Variants in ANGPT1 observed in about 807,000 individuals in gnomAD.
ANGPT1 encodes angiopoietin 1, also known as angiopoietin-1.
ANGPT1 carries 17 observed loss-of-function variants against 62.2 expected under a neutral mutation model. That is an observed-to-expected ratio of 0.27 (90% CI 0.19 to 0.41). ANGPT1 has a LOEUF of 0.41. Among genes scored for constraint, ANGPT1 ranks in the 10% least tolerant of loss-of-function variants. The pLI is 1.00. For missense variants in ANGPT1, 478 were observed against 594.9 expected (o/e 0.80, Z 2.04); for synonymous variants, 199 against 198.9 (o/e 1.00, Z 0.00).
At chr8:107,332,329 A>G (rs1016795089) in intron 3 of ANGPT1, among the ~76,000 whole-genome samples, 14 of 152,182 alleles carry the variant, frequency 9.2e-5, no homozygotes, top group South Asian at 2.1e-4. Flanking sequence ...CTTTGAGGTA[A>G]GAAACAAAAC....
intron 1 of ANGPT1, among the ~76,000 whole-genome samples, chr8:107,429,822 G>A (rs1356002437): frequency 7.0e-6 from 1 of 143,872 alleles, no homozygotes; most frequent in Non-Finnish European, 1.5e-5. Flanking sequence ...TGAAATGCAG[G>A]CTTCCACAAA....
At chr8:107,345,033 A>G (rs1326415138) in intron 2 of ANGPT1, among the ~76,000 whole-genome samples, 1 of 152,224 alleles carries the variant, frequency 6.6e-6, no homozygotes, top group Admixed American at 6.5e-5. Flanking sequence ...TACAAATAGC[A>G]TAAGCAATTG....
chr8:107,294,645 A>G (rs1315440386), intron 5 of ANGPT1: 1 of 152,226 alleles, frequency 6.6e-6, no homozygotes, highest in East Asian at 1.9e-4. Context: ...GTCACGAACA[A>G]TAACAGGAGA....
At chr8:107,294,260 T>C (rs1814356613) in intron 5 of ANGPT1, 1 of 371,532 alleles carries the variant, frequency 2.7e-6, no homozygotes, top group Non-Finnish European at 4.8e-6. Context: ...ATAAATTACA[T>C]GCACAAATTT....
intron 1 of ANGPT1, among the ~76,000 whole-genome samples, chr8:107,461,287 T>G (rs1218511444): frequency 6.6e-6 from 1 of 152,116 alleles, no homozygotes. Context: ...AGGACCAACA[T>G]AAGTTAAGTT....
chr8:107,299,319 G>T (rs1425061842), intron 5 of ANGPT1, among the ~76,000 whole-genome samples: 4 of 147,138 alleles, frequency 2.7e-5, no homozygotes, highest in Non-Finnish European at 6.0e-5. Flanking sequence ...TATGGGGCAG[G>T]TTAACTTTCT....
chr8:107,266,575 G>T (rs1403319467), intron 7 of ANGPT1, among the ~76,000 whole-genome samples: 2 of 152,180 alleles, frequency 1.3e-5, no homozygotes, highest in African/African-American at 4.8e-5. Context: ...ACTGGGCCTG[G>T]GAGAGTTTAG....
At chr8:107,338,933 A>G (rs1449360389) in intron 2 of ANGPT1, among the ~76,000 whole-genome samples, 1 of 152,206 alleles carries the variant, frequency 6.6e-6, no homozygotes. Flanking sequence ...TATGAGGTAC[A>G]TTGTCTCACT....
intron 4 of ANGPT1, among the ~76,000 whole-genome samples, chr8:107,306,617 A>G (rs1271047292): frequency 6.6e-6 from 1 of 152,134 alleles, no homozygotes; most frequent in East Asian, 1.9e-4. Context: ...TAGAGAGACA[A>G]TAACATTTGA....
chr8:107,470,399 A>T (rs1398964403), intron 1 of ANGPT1, among the ~76,000 whole-genome samples: 1 of 152,114 alleles, frequency 6.6e-6, no homozygotes, highest in Non-Finnish European at 1.5e-5. Flanking sequence ...TATTTGCATT[A>T]CTGCAGGAGG....
intron 8 of ANGPT1, among the ~76,000 whole-genome samples, chr8:107,260,867 T>C (rs1652964612): frequency 1.3e-5 from 2 of 152,188 alleles, no homozygotes; most frequent in Admixed American, 1.3e-4. Flanking sequence ...TGAAAGAACA[T>C]GACGAAGTTC....
chr8:107,411,562 T>C (rs1432342135), intron 1 of ANGPT1, among the ~76,000 whole-genome samples: 14 of 152,194 alleles, frequency 9.2e-5, no homozygotes, highest in Non-Finnish European at 1.5e-5. Context: ...GAAAAAATTA[T>C]AGTTATTCAG....
intron 1 of ANGPT1, among the ~76,000 whole-genome samples, chr8:107,471,407 T>C: frequency 6.6e-6 from 1 of 152,094 alleles, no homozygotes; most frequent in Middle Eastern, 3.4e-3. Flanking sequence ...CCTGTCAGGC[T>C]GTGGGGGGAC....
chr8:107,422,287 T>C (rs932975826), intron 1 of ANGPT1, among the ~76,000 whole-genome samples: 6 of 152,114 alleles, frequency 3.9e-5, no homozygotes, highest in Admixed American at 2.0e-4. Context: ...GAAAGAGGTA[T>C]CACGGTTCTG....
At chr8:107,374,985 C>A (rs930262435) in intron 1 of ANGPT1, among the ~76,000 whole-genome samples, 1 of 152,130 alleles carries the variant, frequency 6.6e-6, no homozygotes, top group Admixed American at 6.5e-5. Flanking sequence ...CATGGTGAAA[C>A]CCTGTCTCTA....
chr8:107,434,811 T>C (rs1259075416), intron 1 of ANGPT1, among the ~76,000 whole-genome samples: 2 of 152,176 alleles, frequency 1.3e-5, no homozygotes, highest in African/African-American at 4.8e-5. Flanking sequence ...AAATGGTTTT[T>C]CCCTGAAAGT....
At chr8:107,308,758 C>A (rs991231309) in intron 4 of ANGPT1, among the ~76,000 whole-genome samples, 1 of 152,138 alleles carries the variant, frequency 6.6e-6, no homozygotes, top group East Asian at 1.9e-4. Context: ...CTTATCTATA[C>A]AACCAAATCT....
At chr8:107,264,180 C>T (rs910090951) in intron 8 of ANGPT1, 41 bp downstream of exon 8, 1 of 1,585,762 alleles carries the variant, frequency 6.3e-7, no homozygotes, top group Non-Finnish European at 8.6e-7. Flanking sequence ...AAGCCCCAAA[C>T]CAATGAAACA....
intron 1 of ANGPT1, among the ~76,000 whole-genome samples, chr8:107,467,183 G>T (rs1812226454): frequency 6.6e-6 from 1 of 151,950 alleles, no homozygotes; most frequent in South Asian, 2.1e-4. Flanking sequence ...ATGATAAGGT[G>T]ATAGATACCC....
Sources: gnomAD v4.1 joint callset for allele counts (sites outside exome capture counted in the v4.1 genomes callset) on GRCh38, gnomAD v4.1.1 for gene constraint, MANE v1.5 for transcripts, NCBI Gene and HGNC (gene_info 2026-07-23, HGNC 2026-07-21) for gene names.